Variants in SSBP2 observed in about 807,000 individuals in gnomAD.
SSBP2 encodes single stranded DNA binding protein 2.
SSBP2 carries 17 observed loss-of-function variants against 61.8 expected under a neutral mutation model. The observed-to-expected ratio is 0.28, with a 90% CI of 0.19 to 0.41. The LOEUF is 0.41. SSBP2 is among the 10% of genes least tolerant of loss of function. The probability of loss-of-function intolerance (pLI) is 1.00; values close to 1 mark genes in which losing one functional copy is unlikely to be tolerated. For synonymous variants in SSBP2, 139 were observed against 141.3 expected (o/e 0.98, Z 0.12); for missense variants, 310 against 458.7 (o/e 0.68, Z 2.96).
chr5:81,493,249 A>AACAGATAG (rs1554074640), intron 5 of SSBP2, among the ~76,000 whole-genome samples: 1 of 128,192 alleles, frequency 7.8e-6, no homozygotes, highest in Non-Finnish European at 1.7e-5. Context: ...GAATGAACAA[A>AACAGATAG]ACAGATAGAT....
intron 1 of SSBP2, among the ~76,000 whole-genome samples, chr5:81,743,200 G>C (rs1757145392): frequency 6.6e-6 from 1 of 152,156 alleles, no homozygotes; most frequent in African/African-American, 2.4e-5. Flanking sequence ...ACAAAACCAG[G>C]CAAGTATGGC....
At chr5:81,521,315 T>TAATAATTTTTGACCTTAACCTTC in intron 4 of SSBP2, among the ~76,000 whole-genome samples, 1 of 152,158 alleles carries the variant, frequency 6.6e-6, no homozygotes. Flanking sequence ...TCTTCTTCAG[T>TAATAATTTTTGACCTTAACCTTC]AATAATTTTT....
At chr5:81,431,555 G>T (rs1762290793) in intron 15 of SSBP2, among the ~76,000 whole-genome samples, 1 of 151,424 alleles carries the variant, frequency 6.6e-6, no homozygotes, top group South Asian at 2.1e-4. Context: ...GGACTTCCTG[G>T]TCTGATTTCT....
chr5:81,420,435 A>G lies in SSBP2; in HGVS notation c.*69T>C, dbSNP rs118066830. 4.9e-5 allele frequency: 71 copies of G among 1,458,774 alleles called. No homozygotes were observed. The East Asian group carries it at 1.5e-3, about 30-fold the overall frequency. The allele number at this position is 1,458,774 out of a possible 1,614,324, so 90.4% of individuals were successfully genotyped here. A position where few individuals can be genotyped will look rare whatever the true frequency, so the allele number is the denominator to read the frequency against. On this transcript the variant is annotated 3_prime_UTR_variant, in exon 17 of 17. Transcript: ENST00000320672. ...GTTTAACTGTACACTGTGATGAATA[A>G]TTTTCTTCCGTAGTAGTTCTGTGAA...
intron 1 of SSBP2, among the ~76,000 whole-genome samples, chr5:81,715,554 C>G (rs1755115258): frequency 6.6e-6 from 1 of 152,092 alleles, no homozygotes; most frequent in Non-Finnish European, 1.5e-5. Context: ...TCATAGAAAA[C>G]AAACCTACCT....
At chr5:81,686,455 A>AT (rs1165172941) in intron 1 of SSBP2, among the ~76,000 whole-genome samples, 1 of 152,154 alleles carries the variant, frequency 6.6e-6, no homozygotes, top group South Asian at 2.1e-4. Flanking sequence ...TAGGAAATGT[A>AT]TTTTTTATAT....
At chr5:81,667,103 G>T (rs943716031) in intron 1 of SSBP2, among the ~76,000 whole-genome samples, 10 of 152,066 alleles carry the variant, frequency 6.6e-5, no homozygotes, top group Non-Finnish European at 1.5e-4. Context: ...GATGAAAGGG[G>T]AAAAAATAGG....
chr5:81,596,075 A>G (rs571666080), intron 4 of SSBP2, among the ~76,000 whole-genome samples: 2 of 152,202 alleles, frequency 1.3e-5, no homozygotes, highest in Non-Finnish European at 2.9e-5. Context: ...ACATGATTGT[A>G]TATCTAGAAA....
intron 1 of SSBP2, among the ~76,000 whole-genome samples, chr5:81,724,246 T>A (rs1043355716): frequency 5.3e-5 from 8 of 152,192 alleles, no homozygotes; most frequent in African/African-American, 1.9e-4. Flanking sequence ...AGAACTGGCA[T>A]CTTTAAAACA....
At chr5:81,579,332 T>TGTC (rs1379068483) in intron 4 of SSBP2, among the ~76,000 whole-genome samples, 8 of 152,004 alleles carry the variant, frequency 5.3e-5, no homozygotes, top group African/African-American at 1.9e-4. Flanking sequence ...CAAGTACAAA[T>TGTC]GTCCAATGAA....
chr5:81,446,363 A>G (rs1580705838), intron 12 of SSBP2, among the ~76,000 whole-genome samples: 1 of 152,210 alleles, frequency 6.6e-6, no homozygotes. Context: ...TAGAAGATAA[A>G]AAACTTTTAT....
At position 81,473,748 on chromosome 5, in the gene SSBP2, T is replaced by C. The variant is rs1401350609; in HGVS notation, c.522A>G (p.Pro174=). Residue 174 remains proline (P), a synonymous_variant, in exon 8 of 17, where the codon CCA becomes CCG. Coordinates refer to ENST00000320672, the MANE Select transcript of SSBP2 (RefSeq NM_012446.5). Reference sequence around the variant, plus strand: ...CTCTTGGAGGAGTCATTCTCTGCATTGGCCCACCCATATTTGGATGTCCTA... The same window carrying C: ...CTCTTGGAGGAGTCATTCTCTGCATCGGCCCACCCATATTTGGATGTCCTA... The C allele has an allele frequency of 6.2e-7, 1 of 1,613,950 alleles. No individual in the cohort carries two copies. Among genetic ancestry groups the C allele is most frequent in the South Asian group, 1.1e-5 (1 of 91,076 alleles).
At chr5:81,602,830 A>T (rs917095316) in intron 4 of SSBP2, among the ~76,000 whole-genome samples, 1 of 152,034 alleles carries the variant, frequency 6.6e-6, no homozygotes, top group Non-Finnish European at 1.5e-5. Flanking sequence ...TCTATTTTCC[A>T]TGTTACCCTG....
rs1757730856 is a variant in SSBP2 at position 81,750,988 on chromosome 5, G to A, written c.55C>T (p.Arg19Trp). ...AGAAGCGGAGACACTTACTTCTCCC[G>A]GGCCTGGCTGTCGGACGGGACGGCG... Residue 19 changes from arginine (R) to tryptophan (W), a missense_variant, in exon 1 of 17, where the codon CGG becomes TGG. This residue lies in a region of SSBP2 where 36 missense variants were observed against 27.0 expected (regional missense o/e 1.33). Coordinates refer to ENST00000320672, the MANE Select transcript of SSBP2 (RefSeq NM_012446.5). 2 of 1,596,698 alleles carry A rather than the reference G, an allele frequency of 1.3e-6. No individual in the cohort carries two copies. Among genetic ancestry groups the A allele is most frequent in the South Asian group, 1.1e-5 (1 of 88,108 alleles).
intron 4 of SSBP2, among the ~76,000 whole-genome samples, chr5:81,526,095 T>C (rs905899358): frequency 3.3e-5 from 5 of 152,008 alleles, no homozygotes; most frequent in African/African-American, 1.2e-4. Flanking sequence ...AAAAAGCACA[T>C]CTCCTCTGAA....
intron 5 of SSBP2, among the ~76,000 whole-genome samples, chr5:81,491,102 T>C (rs1278284983): frequency 1.3e-5 from 2 of 152,208 alleles, no homozygotes; most frequent in Non-Finnish European, 2.9e-5. Flanking sequence ...ATTTCACCTA[T>C]GAAGCTGTCT....
At chr5:81,579,406 A>T (rs1774476320) in intron 4 of SSBP2, among the ~76,000 whole-genome samples, 1 of 152,058 alleles carries the variant, frequency 6.6e-6, no homozygotes. Context: ...AAAGATGAGA[A>T]AGTGAATTAT....
At chr5:81,444,527 T>C (rs1763247217) in intron 12 of SSBP2, among the ~76,000 whole-genome samples, 1 of 152,304 alleles carries the variant, frequency 6.6e-6, no homozygotes, top group East Asian at 1.9e-4. Context: ...AATAAGCTCA[T>C]GGAGAGAAGG....
chr5:81,497,354 G>C (rs539443179), intron 5 of SSBP2, among the ~76,000 whole-genome samples: 1 of 152,242 alleles, frequency 6.6e-6, no homozygotes, highest in South Asian at 2.1e-4. Context: ...AATGTATGAA[G>C]CAAATGTTCA....
Sources: allele counts gnomAD v4.1 joint callset (sites outside exome capture counted in the v4.1 genomes callset), GRCh38; gene constraint gnomAD v4.1.1; regional missense constraint gnomAD v4.1.1; transcripts MANE v1.5; gene names NCBI Gene and HGNC (gene_info 2026-07-23, HGNC 2026-07-21).